The following VIL1 variants were observed in gnomAD, a reference collection of about 807,000 sequenced individuals.
VIL1 encodes the protein villin 1, also known as villin-1.
In VIL1, 86 loss-of-function variants were observed where a neutral mutation model predicts 104.0. That is an observed-to-expected ratio of 0.83 (90% CI 0.69 to 0.99). The LOEUF is 0.99. Among genes scored for constraint, VIL1 ranks in the 50% least tolerant of loss-of-function variants. VIL1 has a pLI of 0.00. For missense variants in VIL1, 944 were observed against 1,054.1 expected (o/e 0.90, Z 1.45); for synonymous variants, 394 against 412.6 (o/e 0.95, Z 0.55).
In VIL1 at chr2:218,434,724, G is replaced by A; in HGVS notation, c.1680+19G>A. The A allele has an allele frequency of 1.9e-6, 3 of 1,592,520 alleles. No homozygotes were observed. The highest frequency in any genetic ancestry group is 3.5e-5 in the Admixed American group (2 of 56,546). On this transcript the variant is annotated intron_variant, in intron 14 of 19. Coordinates refer to ENST00000248444, the MANE Select transcript of VIL1 (RefSeq NM_007127.3). ...TGGGAAGGTGTGTTCAGGGTCTAGA[G>A]GCCTCCCCATCCGCAAGTGGGTCCT...
rs139447471 is a variant in VIL1 at position 218,432,840 on chromosome 2, C to G, written c.1389C>G (p.Ala463=). The G allele has an allele frequency of 2.5e-6, 4 of 1,614,070 alleles. No homozygotes were observed. The African/African-American group carries it at 5.3e-5, about 22-fold the overall frequency. Residue 463 remains alanine, a synonymous_variant, in exon 13 of 20, where the codon GCC becomes GCG. Coordinates refer to ENST00000248444, the MANE Select transcript of VIL1 (RefSeq NM_007127.3). ...AAATTACAGCATCAGCTTATCAAGC[C>G]GTCATCCTGGACCAGAAGTACAATG... ...QDEITASAYQ[A]VILDQKYNGE... is the part of the protein sequence containing the mutation.
chr2:218,437,362 A>T, intron 17 of VIL1, 50 bp downstream of exon 17: 1 of 1,585,344 alleles, frequency 6.3e-7, no homozygotes, highest in Non-Finnish European at 8.6e-7. Flanking sequence ...CCTGGAGATC[A>T]GTGCTGATTC....
chr2:218,423,970 G>A (rs1688935345), intron 2 of VIL1, 117 bp downstream of exon 2: 2 of 1,200,868 alleles, frequency 1.7e-6, no homozygotes, highest in African/African-American at 3.0e-5. Flanking sequence ...AAGCCCCTGA[G>A]AGCTCAGCCC....
intron 6 of VIL1, among the ~76,000 whole-genome samples, chr2:218,428,636 G>T (rs569742177): frequency 4.3e-4 from 65 of 152,298 alleles, no homozygotes; most frequent in Middle Eastern, 3.4e-3. Context: ...TTGACGCTGT[G>T]TGTGCACTGT....
At chr2:218,432,334 G>A (rs752255223) in intron 12 of VIL1, 151 bp downstream of exon 12, 11 of 1,237,544 alleles carry the variant, frequency 8.9e-6, no homozygotes, top group South Asian at 6.9e-5. Flanking sequence ...ATGAGGTCCC[G>A]CTAGTACCCC....
At chr2:218,425,981 G>A (rs1372315541) in intron 4 of VIL1, among the ~76,000 whole-genome samples, 170 bp downstream of exon 4, 1 of 152,038 alleles carries the variant, frequency 6.6e-6, no homozygotes, top group African/African-American at 2.4e-5. Flanking sequence ...GCTGTGGGGG[G>A]AGGCACGAGG....
intron 9 of VIL1, 23 bp downstream of exon 9, chr2:218,429,970 G>A (rs1689068150): frequency 1.3e-6 from 2 of 1,516,856 alleles, no homozygotes; most frequent in Non-Finnish European, 9.1e-7. Flanking sequence ...GCGGGGGAGG[G>A]TCCAGGAGGA....
intron 3 of VIL1, 78 bp downstream of exon 3, chr2:218,424,429 C>T (rs891879152): frequency 1.3e-4 from 200 of 1,494,180 alleles, no homozygotes; most frequent in East Asian, 3.4e-4. Flanking sequence ...GGCTGGGGGC[C>T]GTGGGGAGAG....
Position 218,427,947 on chromosome 2 carries a change from G to C in VIL1, c.348-18G>C. The C allele has an allele frequency of 6.2e-7, 1 of 1,612,318 alleles. No homozygotes were observed. Among genetic ancestry groups the C allele is most frequent in the South Asian group, 1.1e-5 (1 of 91,064 alleles). On this transcript the variant is annotated intron_variant, in intron 4 of 19. Coordinates refer to ENST00000248444, the MANE Select transcript of VIL1 (RefSeq NM_007127.3). The stretch of plus-strand genomic sequence containing the variant: ...CCTCCCAGCCCACTTCCTTGGGTCA[G>C]CTCACCTCTCTTCTCAGGATCCGGA...
rs1179407418 is a variant in VIL1, at chr2:218,429,884, C to T, written c.885C>T (p.Ile295=). The T allele has an allele frequency of 1.2e-6, 2 of 1,612,138 alleles. No individual in the cohort carries two copies. The highest frequency in any genetic ancestry group is 3.3e-5 in the Admixed American group (2 of 59,756). ...CYILDQGGLK[I]YVWKGKKANE... ...TCCTGGACCAGGGGGGCCTGAAGAT[C>T]TACGTGTGGAAAGGGAAGAAAGCCA... The change falls in exon 9 of 20, where the codon ATC becomes ATT. Residue 295 remains isoleucine, a synonymous_variant. Transcript: ENST00000248444.
chr2:218,419,471 C>A (rs1288700890), intron 1 of VIL1, among the ~76,000 whole-genome samples: 2 of 152,150 alleles, frequency 1.3e-5, no homozygotes, highest in Non-Finnish European at 2.9e-5. Context: ...GAGTTAAAAC[C>A]AGGACAGTGC....
In VIL1 at chr2:218,430,770, G is replaced by A. The variant is rs1406355980; in HGVS notation, c.994G>A (p.Val332Met). Residue 332 changes from valine to methionine, a missense_variant, in exon 10 of 20, where the codon GTG becomes ATG. Transcript: ENST00000248444. ...KQYPPSTQVE[V>M]QNDGAESAVF... ...GTACCCACCAAGCACACAGGTGGAG[G>A]TGCAGAATGATGGGGCTGAGTCGGC... The A allele has an allele frequency of 7.4e-6, 12 of 1,612,596 alleles. No homozygotes were observed. Among genetic ancestry groups the A allele is most frequent in the Admixed American group, 1.7e-5 (1 of 59,766 alleles).
In VIL1 at chr2:218,449,659, G is replaced by C. The variant is rs906178590; in HGVS notation, c.*323G>C. The C allele has an allele frequency of 1.3e-5, 3 of 233,032 alleles. No individual in the cohort carries two copies. The highest frequency in any genetic ancestry group is 2.6e-5 in the Non-Finnish European group (3 of 113,756). The allele number at this position is 233,032 out of a possible 1,614,324, so 14.4% of individuals were successfully genotyped here. A position where few individuals can be genotyped will look rare whatever the true frequency, so the allele number is the denominator to read the frequency against. On this transcript the variant is annotated 3_prime_UTR_variant, in exon 20 of 20. Transcript: ENST00000248444. ...ACTCCATGGAACATTAGAGTTCTGA[G>C]GCACTACCCTAGCTTGTCCTCTATC...
chr2:218,428,447 G>A, intron 6 of VIL1, 110 bp downstream of exon 6: 3 of 942,946 alleles, frequency 3.2e-6, no homozygotes, highest in Non-Finnish European at 3.4e-6. Context: ...GTTTGAAGGT[G>A]GCTCAGTCTC....
intron 19 of VIL1, among the ~76,000 whole-genome samples, chr2:218,441,523 G>A (rs1007683965): frequency 6.6e-6 from 1 of 152,214 alleles, no homozygotes; most frequent in African/African-American, 2.4e-5. Context: ...CCAAAGGCAA[G>A]GAATAAAAAT....
At chr2:218,423,114 G>T (rs969986647) in intron 1 of VIL1, among the ~76,000 whole-genome samples, 3 of 152,142 alleles carry the variant, frequency 2.0e-5, no homozygotes, top group African/African-American at 7.2e-5. Flanking sequence ...AAAAAGGGCC[G>T]GCCAGGCACA....
Position 218,425,776 on chromosome 2 carries a change from C to T in VIL1, c.312C>T (p.Ser104=), listed in dbSNP as rs112919603. ...VQHREVQGNE[S]EAFRGYFKQG... ...ACCGCGAGGTCCAGGGCAACGAGAGCGAGGCCTTCCGAGGCTACTTCAAGC... is the reference window on the plus strand; with the variant it reads ...ACCGCGAGGTCCAGGGCAACGAGAGTGAGGCCTTCCGAGGCTACTTCAAGC... The change falls in exon 4 of 20, where the codon AGC becomes AGT. Residue 104 remains serine, a synonymous_variant. Transcript: ENST00000248444. 28 of 1,612,150 alleles carry T rather than the reference C, an allele frequency of 1.7e-5. No individual in the cohort carries two copies. Among genetic ancestry groups the T allele is most frequent in the African/African-American group, 9.3e-5 (7 of 75,000 alleles).
intron 9 of VIL1, among the ~76,000 whole-genome samples, chr2:218,430,503 T>G (rs1375019885): frequency 6.6e-6 from 1 of 152,066 alleles, no homozygotes; most frequent in Non-Finnish European, 1.5e-5. Flanking sequence ...GAGTGAGTCT[T>G]GAGGCCAGTG....
At chr2:218,419,703 C>A (rs1438610917) in intron 1 of VIL1, among the ~76,000 whole-genome samples, 1 of 152,236 alleles carries the variant, frequency 6.6e-6, no homozygotes, top group Non-Finnish European at 1.5e-5. Flanking sequence ...AGGGCAGAGG[C>A]AAGGGGCTGG....
Sources: gnomAD v4.1 joint callset for allele counts (sites outside exome capture counted in the v4.1 genomes callset) on GRCh38, gnomAD v4.1.1 for gene constraint, MANE v1.5 for transcripts, NCBI Gene and HGNC (gene_info 2026-07-23, HGNC 2026-07-21) for gene names.